The following BOC variants were observed in gnomAD, a reference collection of about 807,000 sequenced individuals.
BOC encodes the protein BOC cell adhesion associated, oncogene regulated.
Under a neutral mutation model 112.0 loss-of-function variants are expected in BOC, and 76 were observed. The observed-to-expected ratio is 0.68, with a 90% CI of 0.56 to 0.82. The LOEUF is 0.82. Among genes scored for constraint, BOC ranks in the 40% least tolerant of loss-of-function variants. The pLI, the probability that BOC is intolerant of heterozygous loss-of-function variation, is 0.00. For missense variants in BOC, 1,309 were observed against 1,511.7 expected, an observed-to-expected ratio of 0.87 and a Z score of 2.22; for synonymous variants, 580 against 599.8, an observed-to-expected ratio of 0.97 and a Z score of 0.48.
intron 2 of BOC, among the ~76,000 whole-genome samples, chr3:113,242,357 T>A (rs1375570061): frequency 1.3e-5 from 2 of 152,002 alleles, no homozygotes; most frequent in Non-Finnish European, 2.9e-5. Flanking sequence ...AGAAATGAGG[T>A]CATTTTGGGG....
intron 2 of BOC, among the ~76,000 whole-genome samples, chr3:113,236,282 GTATATATATATATATATATATATA>G (rs71706132): frequency 3.1e-5 from 2 of 64,520 alleles, no homozygotes; most frequent in Non-Finnish European, 8.1e-5. Flanking sequence ...ATACCCATGG[GTATATATATATATATATATATATA>G]TATATACCCA....
chr3:113,231,944 C>A (rs1171325954), intron 2 of BOC, among the ~76,000 whole-genome samples: 2 of 152,170 alleles, frequency 1.3e-5, no homozygotes, highest in Non-Finnish European at 2.9e-5. Context: ...CTCTCATGGA[C>A]TCTCACTGTT....
intron 4 of BOC, chr3:113,252,068 C>T (rs1340713284): frequency 6.6e-6 from 1 of 152,184 alleles, no homozygotes; most frequent in African/African-American, 2.4e-5. Context: ...TGATTTTCTA[C>T]TCATTGTATG....
At chr3:113,215,671 C>G (rs1481580601) in intron 1 of BOC, among the ~76,000 whole-genome samples, 1 of 152,238 alleles carries the variant, frequency 6.6e-6, no homozygotes, top group East Asian at 1.9e-4. Context: ...AGTCACCACC[C>G]AGCTTTAAAA....
chr3:113,276,412 C>T (rs1256462784), intron 9 of BOC, among the ~76,000 whole-genome samples: 2 of 152,124 alleles, frequency 1.3e-5, no homozygotes, highest in Non-Finnish European at 2.9e-5. Context: ...GTACATGGGG[C>T]GCAGGGGAAG....
At position 113,268,854 on chromosome 3, in the gene BOC, C is replaced by T. The variant is rs78752657; in HGVS notation, c.523+409C>T. Among the ~76,000 whole-genome samples the T allele has an allele frequency of 6.4e-3, 968 of 152,328 alleles. 10 individuals carry two copies. The highest frequency in any genetic ancestry group is 0.022 in the African/African-American group (922 of 41,564). ...AACTCCTGAGCTCAAGCAATCTTCC[C>T]GCTTTGGCTGAAATTACAGGCTTGA... is the stretch of plus-strand genomic sequence containing the variant. On this transcript the variant is annotated intron_variant, in intron 5 of 19. Coordinates refer to ENST00000682979, the MANE Select transcript of BOC (RefSeq NM_001378074.1).
At chr3:113,268,702 G>A (rs1345874920) in intron 5 of BOC, among the ~76,000 whole-genome samples, 2 of 152,274 alleles carry the variant, frequency 1.3e-5, no homozygotes, top group South Asian at 2.1e-4. Flanking sequence ...CATCACCAAG[G>A]CTCAAGAGAT....
rs1948491104 is a variant in BOC at position 113,274,767 on chromosome 3, C to G, written c.1542+85C>G. ...AGAGTCACTGTCTCTTGGCCATCTC[C>G]CCTTGAGCTCCTGAAGCCTGAGCCG... On this transcript the variant is annotated intron_variant, in intron 9 of 19. Transcript: ENST00000682979. The surrounding 1 kb of genome is among the most constrained non-coding windows in gnomAD (Gnocchi z 4.8). 1 of 1,372,514 alleles carries G rather than the reference C, an allele frequency of 7.3e-7. No individual in the cohort carries two copies. The highest frequency in any genetic ancestry group is 1.5e-5 in the African/African-American group (1 of 68,714). The allele number at this position is 1,372,514 out of a possible 1,614,324, so 85.0% of individuals were successfully genotyped here.
At chr3:113,218,344 G>A (rs924704716) in intron 2 of BOC, among the ~76,000 whole-genome samples, 1 of 152,222 alleles carries the variant, frequency 6.6e-6, no homozygotes, top group African/African-American at 2.4e-5. Flanking sequence ...AGGTTTATTA[G>A]GTGTGGGTCA....
intron 2 of BOC, among the ~76,000 whole-genome samples, chr3:113,239,385 C>A (rs891895307): frequency 3.3e-5 from 5 of 152,164 alleles, no homozygotes; most frequent in African/African-American, 1.2e-4. Flanking sequence ...AAGTAGGTAG[C>A]AAATCTTTTC....
At chr3:113,223,677 G>T (rs953043937) in intron 2 of BOC, among the ~76,000 whole-genome samples, 2 of 151,916 alleles carry the variant, frequency 1.3e-5, no homozygotes, top group African/African-American at 2.4e-5. Context: ...GCCTTTTCCT[G>T]AATGTCATGC....
chr3:113,237,693 C>CGT (rs1250593222), intron 2 of BOC, among the ~76,000 whole-genome samples: 7 of 152,176 alleles, frequency 4.6e-5, no homozygotes, highest in Non-Finnish European at 1.0e-4. Context: ...CCCACACTGA[C>CGT]GTGGGGACCT....
intron 2 of BOC, among the ~76,000 whole-genome samples, chr3:113,223,394 C>T (rs1432251641): frequency 2.6e-5 from 4 of 152,228 alleles, no homozygotes; most frequent in African/African-American, 9.6e-5. Context: ...CTATTATTAA[C>T]ATCTTACGTT....
intron 3 of BOC, 43 bp downstream of exon 3, chr3:113,249,942 G>C: frequency 6.5e-7 from 1 of 1,529,780 alleles, no homozygotes; most frequent in South Asian, 1.1e-5. Flanking sequence ...CAGTCAAATG[G>C]AAACATTCCG....
chr3:113,265,126 TC>T (rs898771903), intron 4 of BOC, among the ~76,000 whole-genome samples: 1 of 152,224 alleles, frequency 6.6e-6, no homozygotes, highest in African/African-American at 2.4e-5. Context: ...GACAGTGTTT[TC>T]TACCACTGGG....
At chr3:113,247,237 C>G (rs1304514883) in intron 2 of BOC, among the ~76,000 whole-genome samples, 1 of 152,058 alleles carries the variant, frequency 6.6e-6, no homozygotes, top group African/African-American at 2.4e-5. Flanking sequence ...TCCTTAAGGG[C>G]CTGGGGAAAT....
Position 113,216,280 on chromosome 3 carries a change from T to G in BOC, c.-82+6T>G. On this transcript the variant is annotated splice_donor_region_variant and intron_variant, in intron 2 of 19. Coordinates refer to ENST00000682979, the MANE Select transcript of BOC (RefSeq NM_001378074.1). ...GCAGCTCGAAAGTAGAAGAAGTGGGTGAGGTTTTCTCTTCAGTCTGATAGC... is the reference window on the plus strand; with the variant it reads ...GCAGCTCGAAAGTAGAAGAAGTGGGGGAGGTTTTCTCTTCAGTCTGATAGC... 1 of 456,640 alleles carries G rather than the reference T, an allele frequency of 2.2e-6. No homozygotes were observed. The highest frequency in any genetic ancestry group is 1.5e-5 in the South Asian group (1 of 64,560). The allele number at this position is 456,640 out of a possible 1,614,324, so 28.3% of individuals were successfully genotyped here.
chr3:113,268,424 G>A lies in BOC; in HGVS notation c.502G>A (p.Glu168Lys), dbSNP rs1457856366. The part of the protein sequence containing the change: ...KAQVRYSVKQ[E>K]WLEASRGNYL... ...CCAGGTCCGGTACAGCGTCAAACAAGAGTGGCTGGAGGCCTCCAGAGGTGA... is the reference window on the plus strand; with the variant it reads ...CCAGGTCCGGTACAGCGTCAAACAAAAGTGGCTGGAGGCCTCCAGAGGTGA... The change falls in exon 5 of 20, where the codon GAG becomes AAG. Residue 168 changes from glutamate (E) to lysine (K), a missense_variant. By Grantham distance (56) the Glu-to-Lys change is moderately conservative. Transcript: ENST00000682979. 2 of 1,614,042 alleles carry A rather than the reference G, an allele frequency of 1.2e-6. No homozygotes were observed. The highest frequency in any genetic ancestry group is 1.7e-6 in the Non-Finnish European group (2 of 1,179,968).
chr3:113,229,675 T>C (rs1942289478), intron 2 of BOC, among the ~76,000 whole-genome samples: 1 of 152,252 alleles, frequency 6.6e-6, no homozygotes, highest in African/African-American at 2.4e-5. Context: ...GGAAAAATGT[T>C]TTCTTCCTTA....
Sources: allele counts gnomAD v4.1 joint callset (sites outside exome capture counted in the v4.1 genomes callset), GRCh38; gene constraint gnomAD v4.1.1; non-coding constraint Gnocchi (gnomAD v3.1); transcripts MANE v1.5; gene names NCBI Gene and HGNC (gene_info 2026-07-23, HGNC 2026-07-21).